FER: variants seen among roughly 807,000 people sequenced by gnomAD.
The protein encoded by FER is tyrosine-protein kinase Fer.
In FER, 63 loss-of-function variants were observed where a neutral mutation model predicts 111.0. That is an observed-to-expected ratio of 0.57 (90% CI 0.46 to 0.70). The LOEUF (loss-of-function observed/expected upper bound fraction) is 0.70, where lower values mean the gene tolerates loss of function less well. Among genes scored for constraint, FER ranks in the 30% least tolerant of loss-of-function variants. FER has a pLI of 0.00. For missense variants in FER, 914 were observed against 954.0 expected (o/e 0.96, Z 0.55); for synonymous variants, 327 against 313.9 (o/e 1.04, Z -0.44).
At chr5:109,121,038 AC>A (rs1750900995) in intron 17 of FER, among the ~76,000 whole-genome samples, 1 of 152,090 alleles carries the variant, frequency 6.6e-6, no homozygotes, top group South Asian at 2.1e-4. Context: ...TATCATCTTC[AC>A]ACAAGGATAA....
intron 18 of FER, among the ~76,000 whole-genome samples, chr5:109,181,312 A>G (rs1170907679): frequency 2.0e-5 from 3 of 152,182 alleles, no homozygotes; most frequent in South Asian, 4.1e-4. Context: ...TCACTCTGAA[A>G]TCGACATGGT....
chr5:108,875,815 A>T (rs900848741), intron 8 of FER, among the ~76,000 whole-genome samples: 2 of 152,172 alleles, frequency 1.3e-5, no homozygotes, highest in Non-Finnish European at 2.9e-5. Context: ...AAAGCAGTAA[A>T]GAATTAAGGT....
At chr5:108,844,812 C>T (rs1237218880) in intron 5 of FER, among the ~76,000 whole-genome samples, 1 of 151,086 alleles carries the variant, frequency 6.6e-6, no homozygotes, top group Non-Finnish European at 1.5e-5. Flanking sequence ...TTTTGAAATC[C>T]ATCCATGTTG....
At chr5:109,006,338 G>A (rs114837764) in intron 13 of FER, among the ~76,000 whole-genome samples, 1,582 of 152,244 alleles carry the variant, frequency 0.01, 23 homozygotes, top group African/African-American at 0.036. Flanking sequence ...TCTTTCCTGT[G>A]CTGTTCTTGT....
intron 10 of FER, among the ~76,000 whole-genome samples, chr5:108,937,522 T>G (rs1755636762): frequency 6.6e-6 from 1 of 151,908 alleles, no homozygotes; most frequent in African/African-American, 2.4e-5. Flanking sequence ...AGGGAGAAAG[T>G]ACAGAGTGAG....
chr5:108,943,293 T>C (rs756324130), intron 10 of FER, among the ~76,000 whole-genome samples: 10 of 152,196 alleles, frequency 6.6e-5, no homozygotes, highest in Non-Finnish European at 1.3e-4. Flanking sequence ...ATGAAAATTT[T>C]ATCTAGCCAG....
intron 9 of FER, among the ~76,000 whole-genome samples, chr5:108,895,849 A>C (rs149750574): frequency 7.9e-5 from 12 of 152,312 alleles, no homozygotes; most frequent in African/African-American, 2.9e-4. Flanking sequence ...AATTATATTC[A>C]GATGTTCAGT....
chr5:109,019,634 G>A (rs1334540462), intron 13 of FER, among the ~76,000 whole-genome samples: 1 of 151,754 alleles, frequency 6.6e-6, no homozygotes, highest in Non-Finnish European at 1.5e-5. Flanking sequence ...CATCAGTCAT[G>A]TTTTACAAGC....
At chr5:108,948,975 C>T (rs749974154) in intron 11 of FER, among the ~76,000 whole-genome samples, 5 of 152,088 alleles carry the variant, frequency 3.3e-5, no homozygotes, top group Non-Finnish European at 7.4e-5. Flanking sequence ...ATATTTTCTA[C>T]ACTCTGTTGA....
chr5:109,076,369 C>A (rs1395627611), intron 16 of FER, among the ~76,000 whole-genome samples: 1 of 152,074 alleles, frequency 6.6e-6, no homozygotes, highest in East Asian at 1.9e-4. Context: ...TGAATGACTT[C>A]CTTGCCCACT....
intron 9 of FER, among the ~76,000 whole-genome samples, chr5:108,893,658 A>G (rs539655581): frequency 9.9e-5 from 15 of 152,226 alleles, no homozygotes; most frequent in South Asian, 6.2e-4. Context: ...CAGTGTCCCC[A>G]TAAGTCTCCC....
chr5:108,957,216 A>G (rs1042980493), intron 12 of FER, among the ~76,000 whole-genome samples: 2 of 151,618 alleles, frequency 1.3e-5, no homozygotes, highest in African/African-American at 4.8e-5. Flanking sequence ...ATAAGGCAGC[A>G]TAGAAATGAA....
chr5:108,761,871 A>G (rs1396195203), intron 1 of FER, among the ~76,000 whole-genome samples: 2 of 152,138 alleles, frequency 1.3e-5, no homozygotes, highest in Non-Finnish European at 2.9e-5. Context: ...CCCACATTTT[A>G]GAAGTGTAAC....
chr5:108,849,646 G>A (rs1762361109), intron 5 of FER, among the ~76,000 whole-genome samples: 1 of 152,092 alleles, frequency 6.6e-6, no homozygotes, highest in Non-Finnish European at 1.5e-5. Context: ...TCTAACATCT[G>A]TGTCAGTCAC....
chr5:109,069,093 G>A (rs1351377900), intron 16 of FER, among the ~76,000 whole-genome samples: 1 of 151,986 alleles, frequency 6.6e-6, no homozygotes, highest in African/African-American at 2.4e-5. Context: ...TGCTATTAAT[G>A]TGTAGATCAG....
chr5:108,880,519 A>G (rs1190165270), intron 8 of FER, among the ~76,000 whole-genome samples: 1 of 152,080 alleles, frequency 6.6e-6, no homozygotes, highest in Non-Finnish European at 1.5e-5. Flanking sequence ...TTATTTATTT[A>G]TAATTATTTA....
chr5:108,935,354 T>C (rs1755310166), intron 10 of FER, among the ~76,000 whole-genome samples: 1 of 152,102 alleles, frequency 6.6e-6, no homozygotes, highest in Non-Finnish European at 1.5e-5. Context: ...TGTCTCCTTC[T>C]TCACATCGCC....
intron 5 of FER, among the ~76,000 whole-genome samples, chr5:108,858,420 T>C (rs1490890094): frequency 6.6e-6 from 1 of 152,226 alleles, no homozygotes; most frequent in Non-Finnish European, 1.5e-5. Flanking sequence ...AATCAAATAC[T>C]GTTTTCCAAA....
At chr5:109,107,015 A>C (rs1277955034) in intron 17 of FER, among the ~76,000 whole-genome samples, 1 of 152,202 alleles carries the variant, frequency 6.6e-6, no homozygotes. Flanking sequence ...CAGTCCATTG[A>C]GCACACTGAA....
Sources: allele counts gnomAD v4.1 joint callset (sites outside exome capture counted in the v4.1 genomes callset), GRCh38; gene constraint gnomAD v4.1.1; transcripts MANE v1.5; gene names NCBI Gene and HGNC (gene_info 2026-07-23, HGNC 2026-07-21).